The following SUN1 variants were observed in gnomAD, a reference collection of about 807,000 sequenced individuals.
SUN1 encodes the protein SUN domain-containing protein 1.
Under a neutral mutation model 103.2 loss-of-function variants are expected in SUN1, and 61 were observed. The ratio of observed to expected loss-of-function variants is 0.59; its 90% CI spans 0.48 to 0.73. The LOEUF (loss-of-function observed/expected upper bound fraction) is 0.73. Among genes scored for constraint, SUN1 ranks in the 30% least tolerant of loss-of-function variants. The pLI is 0.00. For synonymous variants in SUN1, 490 were observed against 425.7 expected (o/e 1.15, Z -1.86); for missense variants, 1,052 against 1,034.6 (o/e 1.02, Z -0.23).
chr7:817,396 C>A, intron 1 of SUN1: 1 of 1,534,754 alleles, frequency 6.5e-7, no homozygotes, highest in Non-Finnish European at 8.7e-7. Flanking sequence ...TTCAAAGTGC[C>A]CAGAATGGTG....
chr7:836,832 C>T (rs748055099), intron 1 of SUN1, among the ~76,000 whole-genome samples: 39 of 152,270 alleles, frequency 2.6e-4, no homozygotes, highest in Admixed American at 1.4e-3. Flanking sequence ...AGGATGGGCG[C>T]GGTCAAGGAG....
chr7:834,743 C>T (rs1451247592), intron 1 of SUN1, among the ~76,000 whole-genome samples: 1 of 152,144 alleles, frequency 6.6e-6, no homozygotes, highest in African/African-American at 2.4e-5. Context: ...AAGGATAGTC[C>T]AGCATTCTGG....
In SUN1 at chr7:860,287, G is replaced by T. The variant is rs749673318; in HGVS notation, c.1684G>T (p.Val562Phe). 2 of 1,614,236 alleles carry T rather than the reference G, an allele frequency of 1.2e-6. No individual in the cohort carries two copies. The highest frequency in any genetic ancestry group is 8.5e-7 in the Non-Finnish European group (1 of 1,180,046). The part of the protein sequence containing the change: ...RDLQLQILRN[V>F]THHVSVTKQL... ...CCTGCAGCTGCAGATCCTGCGGAAC[G>T]TCACCCACCACGTTTCCGTGACCAA... Residue 562 changes from valine to phenylalanine, a missense_variant, in exon 14 of 19, where the codon GTC becomes TTC. This residue lies in a region of SUN1 where 846 missense variants were observed against 774.5 expected (regional missense o/e 1.09). Coordinates refer to ENST00000401592, the MANE Select transcript of SUN1 (RefSeq NM_001130965.3).
intron 1 of SUN1, among the ~76,000 whole-genome samples, chr7:819,609 G>A (rs1766940175): frequency 1.3e-5 from 2 of 151,854 alleles, no homozygotes; most frequent in South Asian, 4.2e-4. Context: ...CTATTGAGTG[G>A]TCTTGGCACC....
chr7:855,745 G>A (rs1365422095), intron 11 of SUN1, among the ~76,000 whole-genome samples: 1 of 152,194 alleles, frequency 6.6e-6, no homozygotes, highest in Non-Finnish European at 1.5e-5. Context: ...GGTCTGCGGG[G>A]CGCCTCCTCC....
Position 846,080 on chromosome 7 carries a change from A to G in SUN1, c.658+2560A>G, listed in dbSNP as rs527600741. On this transcript the variant is annotated intron_variant, in intron 5 of 18. Coordinates refer to ENST00000401592, the MANE Select transcript of SUN1 (RefSeq NM_001130965.3). ...TTGTATGTTAATTGAGGTTAACTTT[A>G]TTCTTTTTGATGCCTGTACAGTTTT... Among the ~76,000 whole-genome samples the G allele has an allele frequency of 2.4e-4, 36 of 152,090 alleles. No individual in the cohort carries two copies. In the South Asian group the frequency reaches 7.1e-3, roughly 30 times the overall value.
At chr7:867,988 G>A (rs1196436866) in intron 16 of SUN1, among the ~76,000 whole-genome samples, 2 of 152,214 alleles carry the variant, frequency 1.3e-5, no homozygotes, top group African/African-American at 4.8e-5. Flanking sequence ...AGCTGGCAAG[G>A]GCTAGGCTTT....
chr7:835,904 G>A (rs1042203899), intron 1 of SUN1, among the ~76,000 whole-genome samples: 9 of 152,230 alleles, frequency 5.9e-5, no homozygotes, highest in Non-Finnish European at 1.0e-4. Context: ...CCTCTCATGG[G>A]GGTGTTGGCT....
intron 17 of SUN1, among the ~76,000 whole-genome samples, chr7:872,094 C>G (rs1345491794): frequency 1.3e-5 from 2 of 152,194 alleles, no homozygotes; most frequent in Non-Finnish European, 2.9e-5. Flanking sequence ...GAGGCCTCAT[C>G]TCCCCGGGCT....
chr7:849,426 C>T (rs1819722674), intron 5 of SUN1: 3 of 973,368 alleles, frequency 3.1e-6, no homozygotes, highest in Admixed American at 4.4e-5. Flanking sequence ...GCTAGCCTTG[C>T]ACATCCTCTG....
chr7:846,676 G>C (rs954565955), intron 5 of SUN1, among the ~76,000 whole-genome samples: 1 of 151,982 alleles, frequency 6.6e-6, no homozygotes, highest in Admixed American at 6.6e-5. Flanking sequence ...TGGAGTTTGA[G>C]ACCAGCCTGG....
intron 1 of SUN1, 62 bp downstream of exon 1, chr7:832,663 G>A (rs764182723): frequency 1.4e-5 from 20 of 1,387,758 alleles, no homozygotes; most frequent in South Asian, 2.4e-5. Flanking sequence ...TCGCGGTGGC[G>A]TGGACCTTAA....
Position 873,493 on chromosome 7 carries a change from G to C in SUN1, c.*162G>C, listed in dbSNP as rs1843012927. 1.0e-5 allele frequency: 7 copies of C among 697,262 alleles called. No individual in the cohort carries two copies. In the South Asian group the frequency reaches 1.3e-4, roughly 13 times the overall value. 43.2% of individuals were successfully genotyped at this position (697,262 alleles called of 1,614,324 possible). On this transcript the variant is annotated 3_prime_UTR_variant, in exon 19 of 19. Coordinates refer to ENST00000401592, the MANE Select transcript of SUN1 (RefSeq NM_001130965.3). ...GACGTGAGCGTGTGACGGGCGCCTT[G>C]GCGCCACCTGTTGGGTGCTCACTGC...
rs1810213329 is a variant in SUN1 at position 841,772 on chromosome 7, C to T, written c.267-174C>T. Reference sequence around the variant, plus strand: ...TAGAGGGAGTTCTTGGATCCCAGCTCAAAAATTCCTTTTTTATATTAACAG... The same window carrying T: ...TAGAGGGAGTTCTTGGATCCCAGCTTAAAAATTCCTTTTTTATATTAACAG... On this transcript the variant is annotated intron_variant, in intron 2 of 18. Coordinates refer to ENST00000401592, the MANE Select transcript of SUN1 (RefSeq NM_001130965.3). 8 of 655,996 alleles carry T rather than the reference C, an allele frequency of 1.2e-5. No individual in the cohort carries two copies. The East Asian group carries it at 2.3e-4, about 19-fold the overall frequency. 40.6% of individuals were successfully genotyped at this position (655,996 alleles called of 1,614,324 possible).
upstream of SUN1, chr7:832,093 C>CTG (rs1199048756): frequency 1.0e-6 from 1 of 1,000,072 alleles, no homozygotes; most frequent in Non-Finnish European, 1.2e-6. Flanking sequence ...CTTGACCACG[C>CTG]TGTAGCAGGT....
At chr7:865,722 C>T (rs1394810177) in intron 15 of SUN1, among the ~76,000 whole-genome samples, 1 of 152,198 alleles carries the variant, frequency 6.6e-6, no homozygotes, top group Non-Finnish European at 1.5e-5. Flanking sequence ...GTGAGGGTTC[C>T]CTTTCTCCAC....
chr7:860,403 C>T, intron 14 of SUN1, 21 bp downstream of exon 14: 1 of 1,608,522 alleles, frequency 6.2e-7, no homozygotes, highest in East Asian at 2.2e-5. Flanking sequence ...GAGTCGGCGG[C>T]AAGAGATGCT....
intron 5 of SUN1, 90 bp from the exon 6 acceptor site, chr7:851,294 A>T (rs1166722418): frequency 3.6e-6 from 4 of 1,102,456 alleles, no homozygotes; most frequent in Admixed American, 2.1e-5. Flanking sequence ...GCTTTGGTGA[A>T]GTGTGTGGCT....
At chr7:868,053 G>A (rs529519611) in intron 16 of SUN1, among the ~76,000 whole-genome samples, 6 of 152,268 alleles carry the variant, frequency 3.9e-5, no homozygotes, top group Non-Finnish European at 8.8e-5. Flanking sequence ...CAGCGCGGTA[G>A]AAGACGGCTT....
Sources: allele counts gnomAD v4.1 joint callset (sites outside exome capture counted in the v4.1 genomes callset), GRCh38; gene constraint gnomAD v4.1.1; regional missense constraint gnomAD v4.1.1; transcripts MANE v1.5; gene names NCBI Gene and HGNC (gene_info 2026-07-23, HGNC 2026-07-21).